The following ZNF28 variants were observed in gnomAD, a reference collection of about 807,000 sequenced individuals.
ZNF28 encodes zinc finger protein 28.
A neutral mutation model predicts 7.2 loss-of-function variants in ZNF28; 5 were observed. The observed-to-expected ratio is 0.70, with a 90% CI of 0.36 to 1.46. The LOEUF (loss-of-function observed/expected upper bound fraction) is 1.46. Ranked by LOEUF, ZNF28 falls within the 40% of genes most tolerant of loss-of-function variation. The pLI is 0.03. For synonymous variants in ZNF28, 288 were observed against 292.4 expected (o/e 0.99, Z 0.15); for missense variants, 879 against 866.6 (o/e 1.01, Z -0.18).
chr19:52,798,735 G>A lies in ZNF28; in HGVS notation c.*953C>T, dbSNP rs375226510. 2.9e-5 allele frequency: 15 copies of A among 516,738 alleles called. No homozygotes were observed. The highest frequency in any genetic ancestry group is 1.1e-4 in the East Asian group (2 of 17,822). 32.0% of individuals were successfully genotyped at this position (516,738 alleles called of 1,614,324 possible). On this transcript the variant is annotated 3_prime_UTR_variant, in exon 4 of 4. Coordinates refer to ENST00000457749, the MANE Select transcript of ZNF28 (RefSeq NM_006969.5). ...CGATGATGAATAGCAATATATGAAC[G>A]ATATCTGAAAAATCTGTCACATTTA... is the stretch of plus-strand genomic sequence containing the variant.
At position 52,799,058 on chromosome 19, in the gene ZNF28, C is replaced by T; in HGVS notation, c.*630G>A. The T allele has an allele frequency of 2.0e-6, 1 of 504,416 alleles. No individual in the cohort carries two copies. The highest frequency in any genetic ancestry group is 2.0e-5 in the South Asian group (1 of 49,598). The allele number at this position is 504,416 out of a possible 1,614,324, so 31.2% of individuals were successfully genotyped here. ...AGTATGAATTCTCCTGTCTTTCAAG[C>T]TGTGATTTGTGACTGACAACTTTGT... On this transcript the variant is annotated 3_prime_UTR_variant, in exon 4 of 4. Transcript: ENST00000457749.
At chr19:52,810,129 G>A in intron 2 of ZNF28, 1 of 861,066 alleles carries the variant, frequency 1.2e-6, no homozygotes. Context: ...GCCGGGACTG[G>A]TCGAGGGTGA....
In ZNF28 at chr19:52,811,450, C is replaced by T. The variant is rs1365786189; in HGVS notation, c.16-3317G>A. Among the ~76,000 whole-genome samples, 621 of 145,556 alleles carry T rather than the reference C, an allele frequency of 4.3e-3. 1 individual carries two copies. The highest frequency in any genetic ancestry group is 0.015 in the African/African-American group (559 of 37,460). On this transcript the variant is annotated intron_variant, in intron 2 of 3. Transcript: ENST00000457749. Reference sequence around the variant, plus strand: ...GCCATCCCATCTAGGAAGCGAGGAGCGCCTCTTCCCCGCCGCCATCCCATC... The same window carrying T: ...GCCATCCCATCTAGGAAGCGAGGAGTGCCTCTTCCCCGCCGCCATCCCATC...
Position 52,797,706 on chromosome 19 carries a change from CAT to C in ZNF28, c.*1980_*1981del, listed in dbSNP as rs1407773340. The C allele has an allele frequency of 6.5e-6, 1 of 153,344 alleles. No homozygotes were observed. Among genetic ancestry groups the C allele is most frequent in the African/African-American group, 2.4e-5 (1 of 41,416 alleles). 9.5% of individuals were successfully genotyped at this position (153,344 alleles called of 1,614,324 possible). ...AAACATTGATCAAAATGATTAAAAA[CAT>C]ATAAATACACATACAATCCATACTG... On this transcript the variant is annotated 3_prime_UTR_variant, in exon 4 of 4. Transcript: ENST00000457749.
In ZNF28 at chr19:52,799,700, T is replaced by C. The variant is rs1346988724; in HGVS notation, c.2145A>G (p.Gly715=). The C allele has an allele frequency of 6.4e-7, 1 of 1,552,692 alleles. No individual in the cohort carries two copies. Residue 715 remains glycine (G), a synonymous_variant, in exon 4 of 4, where the codon GGA becomes GGG. Coordinates refer to ENST00000457749, the MANE Select transcript of ZNF28 (RefSeq NM_006969.5). ...ACTCATTACACTTTCAAGGTTTCTC[T>C]CCACTATGAAGTCTATGATGGTATA... ...NLVYHHRLHS[G]EKP is the part of the protein sequence containing the mutation.
chr19:52,820,690 G>A (rs2063186261), intron 1 of ZNF28, among the ~76,000 whole-genome samples: 1 of 152,012 alleles, frequency 6.6e-6, no homozygotes, highest in African/African-American at 2.4e-5. Flanking sequence ...CCACATTTCT[G>A]CCCCTCTCCC....
Position 52,800,941 on chromosome 19 carries a change from CACAT to C in ZNF28, c.900_903del (p.Cys301LysfsTer18), listed in dbSNP as rs1286822166. On this transcript the variant is annotated frameshift_variant, in exon 4 of 4. Transcript: ENST00000457749. LOFTEE classifies it low-confidence loss of function (END_TRUNC). Reference sequence around the variant, plus strand: ...CGACTGAAAACTTTGTCACATTCTTCACATTCATAAGGTTTGTCTGCAGTATGAA... The same window carrying C: ...CGACTGAAAACTTTGTCACATTCTTCTCATAAGGTTTGTCTGCAGTATGAA... The C allele has an allele frequency of 1.2e-6, 2 of 1,614,118 alleles. No homozygotes were observed. The highest frequency in any genetic ancestry group is 2.7e-5 in the African/African-American group (2 of 75,028).
chr19:52,803,545 T>A (rs1165147689), intron 3 of ZNF28, among the ~76,000 whole-genome samples: 1 of 151,968 alleles, frequency 6.6e-6, no homozygotes, highest in Non-Finnish European at 1.5e-5. Flanking sequence ...TCTAAACAAT[T>A]CCCTCTTAAG....
chr19:52,797,817 T>C lies in ZNF28; in HGVS notation c.*1871A>G, dbSNP rs919404709. 2 of 152,154 alleles carry C rather than the reference T, an allele frequency of 1.3e-5. No individual in the cohort carries two copies. Among genetic ancestry groups the C allele is most frequent in the African/African-American group, 4.8e-5 (2 of 41,440 alleles). 9.4% of individuals were successfully genotyped at this position (152,154 alleles called of 1,614,324 possible). A position where few individuals can be genotyped will look rare whatever the true frequency, so the allele number is the denominator to read the frequency against. ...CAATACTCATAGAAATCCCCATAAC[T>C]TTTTGTTAAAGAAACAAAAAACAGG... On this transcript the variant is annotated 3_prime_UTR_variant, in exon 4 of 4. Coordinates refer to ENST00000457749, the MANE Select transcript of ZNF28 (RefSeq NM_006969.5).
At chr19:52,806,035 G>A (rs1246131015) in intron 3 of ZNF28, 1 of 152,126 alleles carries the variant, frequency 6.6e-6, no homozygotes, top group Non-Finnish European at 1.5e-5. Context: ...ACTGGCATAT[G>A]TATACCTTCA....
At chr19:52,802,604 G>A (rs554549351) in intron 3 of ZNF28, among the ~76,000 whole-genome samples, 2 of 151,466 alleles carry the variant, frequency 1.3e-5, no homozygotes, top group African/African-American at 4.9e-5. Context: ...TTGAACTTGG[G>A]AGGCAAAGAT....
chr19:52,801,763 T>C (rs1392192987), intron 3 of ZNF28, 61 bp from the exon 4 acceptor site: 12 of 1,422,734 alleles, frequency 8.4e-6, no homozygotes, highest in South Asian at 5.5e-5. Context: ...AATACTGAAA[T>C]GTGTAAATAT....
chr19:52,803,766 G>C (rs1372426125), intron 3 of ZNF28, among the ~76,000 whole-genome samples: 3 of 152,052 alleles, frequency 2.0e-5, no homozygotes, highest in Non-Finnish European at 4.4e-5. Context: ...AGACCAGCCT[G>C]GGCAACATGG....
In ZNF28 at chr19:52,813,249, G is replaced by GAAAAA. The variant is rs71183837; in HGVS notation, c.15+4690_15+4694dup. 1.5e-3 allele frequency among the ~76,000 whole-genome samples: 95 copies of GAAAAA among 62,920 alleles called. 3 individuals are homozygous for GAAAAA. The highest frequency in any genetic ancestry group is 2.1e-3 in the Admixed American group (9 of 4,198). The allele number at this position is 62,920 out of a possible 152,430, so 41.3% of individuals were successfully genotyped here. A position where few individuals can be genotyped will look rare whatever the true frequency, so the allele number is the denominator to read the frequency against. Reference sequence around the variant, plus strand: ...TATGAAGATTAAAAACTTGAATGGTGAAAAAAAAAAAAAAAAAAAAAAGAC... The same window carrying GAAAAA: ...TATGAAGATTAAAAACTTGAATGGTGAAAAAAAAAAAAAAAAAAAAAAAAAAAGAC... On this transcript the variant is annotated intron_variant, in intron 2 of 3. Coordinates refer to ENST00000457749, the MANE Select transcript of ZNF28 (RefSeq NM_006969.5).
At chr19:52,820,157 C>A (rs1428642481) in intron 1 of ZNF28, among the ~76,000 whole-genome samples, 3 of 103,840 alleles carry the variant, frequency 2.9e-5, no homozygotes, top group Non-Finnish European at 1.9e-5. Context: ...GTCGTCCAGG[C>A]CGGACTGCGG....
rs2062847926 is a variant in ZNF28, at chr19:52,800,340, T to C, written c.1505A>G (p.Lys502Arg). ...EKPYKCKVCD[K>R]AFRSDSCLTE... is the part of the protein sequence containing the mutation. ...AAGGCATGAATCACTCCGGAAAGCC[T>C]TGTCACAAACCTTACATTTGTATGG... Residue 502 changes from lysine (K) to arginine (R), a missense_variant, in exon 4 of 4, where the codon AAG becomes AGG. Lys to Arg is a conservative substitution (Grantham distance 26, BLOSUM62 2). This residue lies in a region of ZNF28 where 864 missense variants were observed against 830.2 expected (regional missense o/e 1.04). Coordinates refer to ENST00000457749, the MANE Select transcript of ZNF28 (RefSeq NM_006969.5). The C allele has an allele frequency of 1.2e-6, 2 of 1,614,048 alleles. No individual in the cohort carries two copies. The highest frequency in any genetic ancestry group is 2.7e-5 in the African/African-American group (2 of 75,012).
intron 2 of ZNF28, among the ~76,000 whole-genome samples, chr19:52,814,608 T>C (rs1417776266): frequency 4.3e-5 from 6 of 138,558 alleles, no homozygotes; most frequent in Non-Finnish European, 6.0e-5. Flanking sequence ...AAAAAAAAGC[T>C]GGGCGAGGTG....
intron 3 of ZNF28, among the ~76,000 whole-genome samples, chr19:52,807,290 A>C (rs2062949239): frequency 6.6e-6 from 1 of 152,172 alleles, no homozygotes; most frequent in African/African-American, 2.4e-5. Flanking sequence ...GAAAGAAGAC[A>C]TTACAGATGA....
chr19:52,800,461 T>C lies in ZNF28; in HGVS notation c.1384A>G (p.Thr462Ala). The change falls in exon 4 of 4, where the codon ACT becomes GCT. Residue 462 changes from threonine (T) to alanine (A), a missense_variant. Transcript: ENST00000457749. ...TCACATTTGTATGGTTTCTCTGCAG[T>C]ATGAAGTCTATGATGGCGTGCAAGA... Reference protein sequence around the residue: ...STLARHHRLHTAEKPYKCEEC... With the variant: ...STLARHHRLHAAEKPYKCEEC... 6.2e-7 allele frequency: 1 copy of C among 1,613,710 alleles called. No homozygotes were observed. The highest frequency in any genetic ancestry group is 1.1e-5 in the South Asian group (1 of 91,026).
Sources: gnomAD v4.1 joint callset for allele counts (sites outside exome capture counted in the v4.1 genomes callset) on GRCh38, gnomAD v4.1.1 for gene constraint, gnomAD v4.1.1 regional missense constraint, MANE v1.5 for transcripts, NCBI Gene and HGNC (gene_info 2026-07-23, HGNC 2026-07-21) for gene names.